SNX29: variants seen among roughly 807,000 people sequenced by gnomAD.
SNX29 encodes the protein sorting nexin 29.
A neutral mutation model predicts 102.1 loss-of-function variants in SNX29; 78 were observed. The observed-to-expected ratio is 0.76, with a 90% CI of 0.64 to 0.92. The LOEUF (loss-of-function observed/expected upper bound fraction) is 0.92. Among genes scored for constraint, SNX29 ranks in the 40% least tolerant of loss-of-function variants. The pLI is 0.00. For missense variants in SNX29, 1,280 were observed against 1,061.7 expected (o/e 1.21, Z -2.86); for synonymous variants, 580 against 414.5 (o/e 1.40, Z -4.85).
intron 14 of SNX29, among the ~76,000 whole-genome samples, chr16:12,260,968 G>A (rs1050962534): frequency 6.6e-6 from 1 of 150,728 alleles, no homozygotes; most frequent in Admixed American, 6.6e-5. Flanking sequence ...GCTCGGGTCT[G>A]TGTGCGCGCC....
chr16:12,106,778 G>A (rs771255049), intron 11 of SNX29, among the ~76,000 whole-genome samples: 14 of 150,896 alleles, frequency 9.3e-5, no homozygotes, highest in Admixed American at 2.6e-4. Flanking sequence ...ACCATGCCTC[G>A]CCCCTTTTAT....
At chr16:12,138,623 A>G (rs2054751044) in intron 13 of SNX29, among the ~76,000 whole-genome samples, 1 of 152,208 alleles carries the variant, frequency 6.6e-6, no homozygotes, top group South Asian at 2.1e-4. Flanking sequence ...TCTTAGGCTT[A>G]GTAGAGACCA....
chr16:12,337,071 C>T (rs1219217951), intron 15 of SNX29, among the ~76,000 whole-genome samples: 1 of 152,162 alleles, frequency 6.6e-6, no homozygotes, highest in Non-Finnish European at 1.5e-5. Context: ...TCTTAACCAT[C>T]TTGGGCAGCA....
In SNX29 at chr16:12,572,894, T is replaced by C. The variant is rs756705747; in HGVS notation, c.*4265T>C. The C allele has an allele frequency of 1.6e-5, 17 of 1,041,524 alleles. No homozygotes were observed. The highest frequency in any genetic ancestry group is 5.4e-5 in the Admixed American group (1 of 18,624). 64.5% of individuals were successfully genotyped at this position (1,041,524 alleles called of 1,614,324 possible). On this transcript the variant is annotated 3_prime_UTR_variant, in exon 21 of 21. Coordinates refer to ENST00000566228, the MANE Select transcript of SNX29 (RefSeq NM_032167.5). ...ATTGTCTTGACTCTGCCTTGGCATT[T>C]CGCTCGGAATCACGGCAGACTTGGA...
intron 20 of SNX29, among the ~76,000 whole-genome samples, chr16:12,537,104 C>G (rs940899411): frequency 1.3e-5 from 2 of 152,210 alleles, no homozygotes; most frequent in African/African-American, 4.8e-5. Context: ...CACGGTCAGT[C>G]CCTTTCCTCC....
intron 14 of SNX29, among the ~76,000 whole-genome samples, chr16:12,253,229 G>A (rs1214814621): frequency 6.6e-6 from 1 of 152,184 alleles, no homozygotes; most frequent in Non-Finnish European, 1.5e-5. Context: ...TCGCCTTGAT[G>A]TAGATCTTTC....
intron 8 of SNX29, among the ~76,000 whole-genome samples, chr16:12,057,152 G>C (rs2050554427): frequency 6.6e-6 from 1 of 152,180 alleles, no homozygotes. Flanking sequence ...TGTGCTCTAT[G>C]ATACCGGTAG....
intron 19 of SNX29, among the ~76,000 whole-genome samples, chr16:12,507,022 G>A (rs756024477): frequency 2.0e-5 from 3 of 152,224 alleles, no homozygotes; most frequent in Admixed American, 6.5e-5. Context: ...TACTGAACCT[G>A]TAGATTATTG....
At chr16:12,370,500 C>G (rs929384977) in intron 16 of SNX29, among the ~76,000 whole-genome samples, 5 of 152,154 alleles carry the variant, frequency 3.3e-5, no homozygotes, top group African/African-American at 1.2e-4. Context: ...GTGGAGGTTG[C>G]AGCAAGTGGA....
intron 11 of SNX29, among the ~76,000 whole-genome samples, chr16:12,110,832 T>A (rs1035347748): frequency 9.2e-5 from 14 of 152,004 alleles, no homozygotes; most frequent in South Asian, 2.1e-4. Context: ...TTTTTTAATT[T>A]TTTTTTTTTG....
chr16:12,052,134 G>A lies in SNX29; in HGVS notation c.1036G>A (p.Asp346Asn). 1.9e-6 allele frequency: 3 copies of A among 1,613,896 alleles called. No individual in the cohort carries two copies. Among genetic ancestry groups the A allele is most frequent in the Non-Finnish European group, 1.7e-6 (2 of 1,179,848 alleles). Residue 346 changes from aspartate (D) to asparagine (N), a missense_variant, in exon 8 of 21, where the codon GAT becomes AAT. By Grantham distance (23) the Asp-to-Asn change is conservative. Coordinates refer to ENST00000566228, the MANE Select transcript of SNX29 (RefSeq NM_032167.5). The part of the protein sequence containing the change: ...GYQKLDVKSI[D>N]DEDVDENEDD... ...CCAGAAGCTTGATGTGAAAAGCATC[G>A]ATGATGAAGATGTGGATGAAAACGA...
chr16:12,543,993 G>T (rs2077467557), intron 20 of SNX29, among the ~76,000 whole-genome samples: 1 of 152,168 alleles, frequency 6.6e-6, no homozygotes. Flanking sequence ...GTCACACCAT[G>T]GGTTAAATGC....
At chr16:12,341,644 G>T (rs539795190) in intron 15 of SNX29, among the ~76,000 whole-genome samples, 5 of 152,316 alleles carry the variant, frequency 3.3e-5, no homozygotes, top group Admixed American at 2.6e-4. Flanking sequence ...CCATCTTGTG[G>T]CCACACCATG....
intron 19 of SNX29, among the ~76,000 whole-genome samples, chr16:12,517,562 C>T (rs2089919817): frequency 6.6e-6 from 1 of 152,106 alleles, no homozygotes. Flanking sequence ...CTGGCCTTCC[C>T]TAATTTTATC....
intron 20 of SNX29, among the ~76,000 whole-genome samples, chr16:12,562,868 C>A (rs182409265): frequency 6.6e-6 from 1 of 152,128 alleles, no homozygotes; most frequent in Non-Finnish European, 1.5e-5. Flanking sequence ...CCGGTCTGTG[C>A]TTTGTCATTT....
intron 15 of SNX29, among the ~76,000 whole-genome samples, chr16:12,323,060 G>A (rs2080998124): frequency 1.7e-5 from 2 of 117,046 alleles, no homozygotes; most frequent in Non-Finnish European, 3.5e-5. Flanking sequence ...GGTCACTGGA[G>A]TCACCGGGGA....
intron 18 of SNX29, among the ~76,000 whole-genome samples, chr16:12,404,342 C>T (rs1408776534): frequency 1.3e-5 from 2 of 152,124 alleles, no homozygotes; most frequent in African/African-American, 2.4e-5. Flanking sequence ...AGTTCTCCGT[C>T]TCCTCTCTGA....
At chr16:12,566,137 G>A (rs533430396) in intron 20 of SNX29, among the ~76,000 whole-genome samples, 1 of 152,190 alleles carries the variant, frequency 6.6e-6, no homozygotes, top group Non-Finnish European at 1.5e-5. Context: ...CAGAGGGCAG[G>A]CATTTGCCTA....
chr16:12,298,578 A>T (rs905794913), intron 15 of SNX29, among the ~76,000 whole-genome samples: 5 of 152,208 alleles, frequency 3.3e-5, no homozygotes, highest in African/African-American at 1.2e-4. Flanking sequence ...TGTGTCTAAC[A>T]TTTAGAAGAA....
Sources: allele counts gnomAD v4.1 joint callset (sites outside exome capture counted in the v4.1 genomes callset), GRCh38; gene constraint gnomAD v4.1.1; transcripts MANE v1.5; gene names NCBI Gene and HGNC (gene_info 2026-07-23, HGNC 2026-07-21).